DOCK9: variants seen among roughly 807,000 people sequenced by gnomAD.
DOCK9 encodes the protein dedicator of cytokinesis protein 9.
In DOCK9, 89 loss-of-function variants were observed where a neutral mutation model predicts 263.3. That is an observed-to-expected ratio of 0.34 (90% CI 0.28 to 0.40). The LOEUF is 0.40. DOCK9 is among the 10% of genes least tolerant of loss of function. The probability of loss-of-function intolerance (pLI) is 1.00; values close to 1 mark genes in which losing one functional copy is unlikely to be tolerated. For synonymous variants in DOCK9, 976 were observed against 973.1 expected, an observed-to-expected ratio of 1.00 and a Z score of -0.06; for missense variants, 2,140 against 2,603.4, an observed-to-expected ratio of 0.82 and a Z score of 3.87.
intron 33 of DOCK9, chr13:98,858,159 GT>G (rs2093754505): frequency 6.6e-6 from 1 of 152,112 alleles, no homozygotes; most frequent in South Asian, 2.1e-4. Context: ...ATGTCTTTGT[GT>G]ATGTGTTTGT....
At chr13:98,970,403 G>A (rs543237075) in intron 1 of DOCK9, among the ~76,000 whole-genome samples, 110 of 152,362 alleles carry the variant, frequency 7.2e-4, no homozygotes, top group African/African-American at 2.5e-3. Flanking sequence ...AACCTTCAGA[G>A]ATGGGGGATC....
intron 49 of DOCK9, among the ~76,000 whole-genome samples, 197 bp from the exon 50 acceptor site, chr13:98,800,675 C>G (rs1320644091): frequency 1.3e-5 from 2 of 152,120 alleles, no homozygotes; most frequent in African/African-American, 2.4e-5. Flanking sequence ...TCGTGTGTCT[C>G]GTAAAGTCAA....
At chr13:99,018,048 T>C (rs981443088) in intron 1 of DOCK9, among the ~76,000 whole-genome samples, 8 of 152,100 alleles carry the variant, frequency 5.3e-5, no homozygotes, top group African/African-American at 1.9e-4. Flanking sequence ...AAGTAAAAGC[T>C]AAATTTTAAA....
intron 1 of DOCK9, among the ~76,000 whole-genome samples, chr13:99,007,588 T>C (rs963670992): frequency 3.9e-5 from 6 of 152,086 alleles, no homozygotes; most frequent in African/African-American, 1.2e-4. Flanking sequence ...ATATCAACTC[T>C]AAAAGGGTGA....
intron 37 of DOCK9, chr13:98,847,141 C>A (rs1204552401): frequency 1.9e-5 from 3 of 157,996 alleles, no homozygotes; most frequent in Non-Finnish European, 4.2e-5. Flanking sequence ...GGACAGAAAT[C>A]TTCAGCTTCT....
In DOCK9 at chr13:98,897,595, A is replaced by C; in HGVS notation, c.1602T>G (p.Asp534Glu). The C allele has an allele frequency of 6.2e-7, 1 of 1,613,866 alleles. No individual in the cohort carries two copies. Among genetic ancestry groups the C allele is most frequent in the Non-Finnish European group, 8.5e-7 (1 of 1,179,830 alleles). ...CATTTTTGTCAAGATTTCCAGATGCATCCTTAAACAATGTCCTGAAATGGC... is the reference window on the plus strand; with the variant it reads ...CATTTTTGTCAAGATTTCCAGATGCCTCCTTAAACAATGTCCTGAAATGGC... Reference protein sequence around the residue: ...FAWAARTLFKDASGNLDKNAR... With the variant: ...FAWAARTLFKEASGNLDKNAR... Residue 534 changes from aspartate (D) to glutamate (E), a missense_variant, in exon 15 of 53, where the codon GAT becomes GAG. Coordinates refer to ENST00000682017, the MANE Select transcript of DOCK9 (RefSeq NM_001366683.2).
chr13:98,853,846 A>T (rs1238351097), intron 34 of DOCK9, among the ~76,000 whole-genome samples: 1 of 152,220 alleles, frequency 6.6e-6, no homozygotes, highest in African/African-American at 2.4e-5. Context: ...TTGAAACCTC[A>T]TGCAAGAAAG....
chr13:99,075,596 G>A (rs928707041), intron 1 of DOCK9, among the ~76,000 whole-genome samples: 1 of 151,480 alleles, frequency 6.6e-6, no homozygotes, highest in African/African-American at 2.4e-5. Context: ...AAACTCCTGG[G>A]CTCAAGCATT....
chr13:98,920,575 C>T (rs879433707), intron 7 of DOCK9, among the ~76,000 whole-genome samples: 4 of 152,180 alleles, frequency 2.6e-5, no homozygotes, highest in Non-Finnish European at 4.4e-5. Flanking sequence ...ACTGGTACTA[C>T]AATGCTAGCG....
intron 1 of DOCK9, among the ~76,000 whole-genome samples, chr13:99,009,856 T>C (rs1884152563): frequency 6.6e-6 from 1 of 152,208 alleles, no homozygotes; most frequent in Non-Finnish European, 1.5e-5. Flanking sequence ...AAAAGACTGT[T>C]TAGTCCTTCG....
intron 2 of DOCK9, among the ~76,000 whole-genome samples, chr13:98,931,953 C>T (rs2054018352): frequency 6.6e-6 from 1 of 151,502 alleles, no homozygotes; most frequent in Non-Finnish European, 1.5e-5. Context: ...GTCTCAAACT[C>T]CTGGGCTCAA....
chr13:98,913,250 GT>G (rs1399688528), intron 9 of DOCK9, among the ~76,000 whole-genome samples: 1 of 152,134 alleles, frequency 6.6e-6, no homozygotes, highest in Non-Finnish European at 1.5e-5. Flanking sequence ...TAAGATGTGG[GT>G]GTGGAGGGTC....
chr13:98,942,242 T>TTTTG (rs2056033768), intron 2 of DOCK9, among the ~76,000 whole-genome samples: 1 of 149,490 alleles, frequency 6.7e-6, no homozygotes, highest in Non-Finnish European at 1.5e-5. Flanking sequence ...GTTGTTTTTT[T>TTTTG]TTTTTGTTTT....
At chr13:99,006,935 A>G (rs141717846) in intron 1 of DOCK9, among the ~76,000 whole-genome samples, 24 of 152,174 alleles carry the variant, frequency 1.6e-4, no homozygotes, top group African/African-American at 4.1e-4. Flanking sequence ...TATAAGAAAT[A>G]CAAAAAGTTA....
chr13:99,041,041 T>C (rs1052756521), intron 1 of DOCK9, among the ~76,000 whole-genome samples: 1 of 152,204 alleles, frequency 6.6e-6, no homozygotes, highest in Non-Finnish European at 1.5e-5. Flanking sequence ...GTGGAGCTAC[T>C]GTGTATGGGG....
chr13:98,821,034 CACA>C (rs377299934), intron 45 of DOCK9, among the ~76,000 whole-genome samples: 37 of 152,292 alleles, frequency 2.4e-4, no homozygotes, highest in African/African-American at 8.7e-4. Flanking sequence ...CCTGAATGAC[CACA>C]AAAGTACCAA....
Position 98,927,226 on chromosome 13 carries a change from T to G in DOCK9, c.334-1307A>C, listed in dbSNP as rs9584971. Among the ~76,000 whole-genome samples, 49 of 152,380 alleles carry G rather than the reference T, an allele frequency of 3.2e-4. 1 individual carries two copies. Among genetic ancestry groups the G allele is most frequent in the African/African-American group, 1.2e-3 (48 of 41,582 alleles). On this transcript the variant is annotated intron_variant, in intron 3 of 52. Coordinates refer to ENST00000682017, the MANE Select transcript of DOCK9 (RefSeq NM_001366683.2). Reference sequence around the variant, plus strand: ...GTTAAGAATATTTTAAAATGCTATTTTATCCTTGAAAATGATTTTTTTAGA... The same window carrying G: ...GTTAAGAATATTTTAAAATGCTATTGTATCCTTGAAAATGATTTTTTTAGA...
In DOCK9 at chr13:98,924,542, T is replaced by A. The variant is rs747516222; in HGVS notation, c.417-1171A>T. 6.6e-5 allele frequency among the ~76,000 whole-genome samples: 10 copies of A among 152,314 alleles called. No individual in the cohort carries two copies. In the East Asian group the frequency reaches 1.7e-3, roughly 26 times the overall value. On this transcript the variant is annotated intron_variant, in intron 4 of 52. Coordinates refer to ENST00000682017, the MANE Select transcript of DOCK9 (RefSeq NM_001366683.2). ...TTTTTATTCCCACCAAAACTCAGAT[T>A]GAAATTTGGTCCCCGTTGTTGCATA...
chr13:98,993,686 A>C (rs1423697513), intron 1 of DOCK9, among the ~76,000 whole-genome samples: 2 of 152,240 alleles, frequency 1.3e-5, no homozygotes, highest in African/African-American at 2.4e-5. Flanking sequence ...GCTTGCAGTA[A>C]GCTGAGATTG....
Sources: allele counts gnomAD v4.1 joint callset (sites outside exome capture counted in the v4.1 genomes callset), GRCh38; gene constraint gnomAD v4.1.1; transcripts MANE v1.5; gene names NCBI Gene and HGNC (gene_info 2026-07-23, HGNC 2026-07-21).